CDK5RAP1: variants seen among roughly 807,000 people sequenced by gnomAD.
CDK5RAP1 encodes the protein mitochondrial tRNA methylthiotransferase CDK5RAP1.
Under a neutral mutation model 64.5 loss-of-function variants are expected in CDK5RAP1, and 62 were observed. The ratio of observed to expected loss-of-function variants is 0.96; its 90% CI spans 0.78 to 1.19. The LOEUF is 1.19. Among genes scored for constraint, CDK5RAP1 ranks in the 50% most tolerant of loss-of-function variants. The pLI is 0.00. For missense variants in CDK5RAP1, 657 were observed against 735.0 expected, an observed-to-expected ratio of 0.89 and a Z score of 1.23; for synonymous variants, 250 against 261.9, an observed-to-expected ratio of 0.95 and a Z score of 0.44.
chr20:33,380,456 C>T (rs1986600884), intron 7 of CDK5RAP1, among the ~76,000 whole-genome samples: 1 of 152,152 alleles, frequency 6.6e-6, no homozygotes, highest in Admixed American at 6.5e-5. Context: ...CCCACCTCAG[C>T]CTCCCAAAGT....
At chr20:33,386,403 A>G (rs1568715312) in intron 6 of CDK5RAP1, among the ~76,000 whole-genome samples, 3 of 152,086 alleles carry the variant, frequency 2.0e-5, no homozygotes. Flanking sequence ...CAGCCTGAAT[A>G]TGTTTGTACC....
chr20:33,391,071 T>C (rs563857764), intron 5 of CDK5RAP1, among the ~76,000 whole-genome samples: 2 of 151,870 alleles, frequency 1.3e-5, no homozygotes, highest in Admixed American at 6.6e-5. Flanking sequence ...CTGGGCAATA[T>C]AGCAAGACCC....
chr20:33,372,595 T>G, intron 10 of CDK5RAP1, 47 bp downstream of exon 10: 1 of 1,040,096 alleles, frequency 9.6e-7, no homozygotes. Flanking sequence ...ACAAGGCTGG[T>G]CACTGGTAGA....
chr20:33,369,138 C>CA (rs1173731537), intron 11 of CDK5RAP1, among the ~76,000 whole-genome samples: 55 of 130,940 alleles, frequency 4.2e-4, no homozygotes, highest in Admixed American at 5.4e-4. Context: ...GACTCTGTCT[C>CA]AAAAAAAAAA....
intron 10 of CDK5RAP1, 116 bp downstream of exon 10, chr20:33,372,526 C>A: frequency 1.9e-6 from 1 of 535,310 alleles, no homozygotes; most frequent in Non-Finnish European, 3.3e-6. Flanking sequence ...AGAAGAAGAG[C>A]ACAAAAGTTA....
Position 33,385,766 on chromosome 20 carries a change from T to C in CDK5RAP1, c.760A>G (p.Ile254Val), listed in dbSNP as rs193162094. 598 of 1,611,920 alleles carry C rather than the reference T, an allele frequency of 3.7e-4. 2 individuals are homozygous for C. The highest frequency in any genetic ancestry group is 2.3e-4 in the African/African-American group (17 of 74,942). ...CACATGTTGTCACAGCCTCGCATGATTGACCTGGAGAAGAAAGTACCAGAA... is the reference window on the plus strand; with the variant it reads ...CACATGTTGTCACAGCCTCGCATGACTGACCTGGAGAAGAAAGTACCAGAA... Reference protein sequence around the residue: ...SASATSAFVSIMRGCDNMCSY... With the variant: ...SASATSAFVSVMRGCDNMCSY... The change falls in exon 7 of 14, where the codon ATC (isoleucine) becomes GTC (valine). Residue 254 changes from isoleucine to valine, a missense_variant. Ile to Val is a conservative substitution (Grantham distance 29). Transcript: ENST00000346416.
chr20:33,380,230 T>G (rs1316681332), intron 7 of CDK5RAP1, among the ~76,000 whole-genome samples: 1 of 152,228 alleles, frequency 6.6e-6, no homozygotes, highest in Non-Finnish European at 1.5e-5. Context: ...TTTTAGATTT[T>G]TTTCTTCTTC....
chr20:33,383,337 T>G (rs1202042217), intron 7 of CDK5RAP1: 1 of 150,768 alleles, frequency 6.6e-6, no homozygotes, highest in African/African-American at 2.4e-5. Flanking sequence ...CCAGGCGTAG[T>G]GGGCTCACAC....
chr20:33,389,358 G>T (rs539995431), intron 5 of CDK5RAP1, among the ~76,000 whole-genome samples: 1 of 150,920 alleles, frequency 6.6e-6, no homozygotes, highest in African/African-American at 2.4e-5. Flanking sequence ...CAGCCGCCCC[G>T]TCTGAGAAGT....
At position 33,379,707 on chromosome 20, in the gene CDK5RAP1, T is replaced by G; in HGVS notation, c.877-16A>C. ...CTTTCAGCCCCTAAACATGGGAAAA[T>G]ATATTGGAATTTTAAAACTTTTGGG... On this transcript the variant is annotated splice_polypyrimidine_tract_variant and intron_variant, in intron 7 of 13. Coordinates refer to ENST00000346416, the MANE Select transcript of CDK5RAP1 (RefSeq NM_016408.4). 3 of 1,572,324 alleles carry G rather than the reference T, an allele frequency of 1.9e-6. No homozygotes were observed. Among genetic ancestry groups the G allele is most frequent in the Non-Finnish European group, 2.6e-6 (3 of 1,148,350 alleles).
chr20:33,383,775 G>T, intron 7 of CDK5RAP1, among the ~76,000 whole-genome samples: 1 of 144,302 alleles, frequency 6.9e-6, no homozygotes. Context: ...AGCCAGGTGT[G>T]GTGCCAGGCA....
In CDK5RAP1 at chr20:33,394,997, T is replaced by G; in HGVS notation, c.408+16A>C. 6.9e-7 allele frequency: 1 copy of G among 1,456,490 alleles called. No homozygotes were observed. The highest frequency in any genetic ancestry group is 2.3e-5 in the East Asian group (1 of 44,162). The allele number at this position is 1,456,490 out of a possible 1,614,324, so 90.2% of individuals were successfully genotyped here. A position where few individuals can be genotyped will look rare whatever the true frequency, so the allele number is the denominator to read the frequency against. The stretch of plus-strand genomic sequence containing the variant: ...GCCCAGGTCCAGGAAACAAAGGAAA[T>G]AGGAAATGCATGTACCTCTTGGAGG... On this transcript the variant is annotated intron_variant, in intron 3 of 13. Transcript: ENST00000346416.
chr20:33,373,149 C>CGTGTGTGT (rs148856565), intron 9 of CDK5RAP1: 60,697 of 139,548 alleles, frequency 0.43, 14,207 homozygotes, highest in Non-Finnish European at 0.51. Context: ...CCATGTTGCC[C>CGTGTGTGT]GTGTGTGTGT....
chr20:33,373,902 A>G, intron 9 of CDK5RAP1: 3 of 553,726 alleles, frequency 5.4e-6, no homozygotes, highest in East Asian at 6.0e-5. Context: ...TTTTTAAACT[A>G]AACAGTGAAA....
At chr20:33,366,446 T>TAA (rs36066304) in intron 12 of CDK5RAP1, among the ~76,000 whole-genome samples, 15 of 150,030 alleles carry the variant, frequency 1.0e-4, no homozygotes, top group Middle Eastern at 3.5e-3. Context: ...CCGTCTCTAC[T>TAA]AAAAAAAATA....
At chr20:33,367,359 C>A (rs896078612) in intron 11 of CDK5RAP1, among the ~76,000 whole-genome samples, 2 of 152,116 alleles carry the variant, frequency 1.3e-5, no homozygotes, top group Middle Eastern at 3.2e-3. Context: ...TGCAATGCAG[C>A]CTAAATATTT....
At chr20:33,369,255 G>A (rs949374066) in intron 11 of CDK5RAP1, among the ~76,000 whole-genome samples, 17 of 152,052 alleles carry the variant, frequency 1.1e-4, no homozygotes, top group Non-Finnish European at 1.9e-4. Context: ...AGGCCGAGGC[G>A]GGCAGATCAC....
chr20:33,384,741 A>G (rs1987198209), intron 7 of CDK5RAP1, among the ~76,000 whole-genome samples: 2 of 152,120 alleles, frequency 1.3e-5, no homozygotes, highest in African/African-American at 4.8e-5. Flanking sequence ...ATCTCTACAA[A>G]TAATTAAAAA....
chr20:33,373,906 A>G, intron 9 of CDK5RAP1: 1 of 557,940 alleles, frequency 1.8e-6, no homozygotes, highest in Non-Finnish European at 3.2e-6. Flanking sequence ...TAAACTAAAC[A>G]GTGAAAATGG....
Sources: allele counts gnomAD v4.1 joint callset (sites outside exome capture counted in the v4.1 genomes callset), GRCh38; gene constraint gnomAD v4.1.1; transcripts MANE v1.5; gene names NCBI Gene and HGNC (gene_info 2026-07-23, HGNC 2026-07-21).